The following ZNRF2 variants were observed in gnomAD, a reference collection of about 807,000 sequenced individuals.
The protein encoded by ZNRF2 is E3 ubiquitin-protein ligase ZNRF2.
In ZNRF2, 16 loss-of-function variants were observed where a neutral mutation model predicts 20.4. That is an observed-to-expected ratio of 0.79 (90% CI 0.53 to 1.19). The LOEUF (loss-of-function observed/expected upper bound fraction) is 1.19. ZNRF2 is among the 50% of genes most tolerant of loss of function. ZNRF2 has a pLI of 0.00. For missense variants in ZNRF2, 363 were observed against 332.4 expected, an observed-to-expected ratio of 1.09 and a Z score of -0.72; for synonymous variants, 178 against 144.9, an observed-to-expected ratio of 1.23 and a Z score of -1.64.
intron 1 of ZNRF2, among the ~76,000 whole-genome samples, chr7:30,291,685 G>T (rs900922433): frequency 2.0e-5 from 3 of 152,132 alleles, no homozygotes; most frequent in Non-Finnish European, 4.4e-5. Context: ...GTGGCTACAG[G>T]ATTTTCATCT....
chr7:30,333,727 G>A (rs191733925), intron 2 of ZNRF2, among the ~76,000 whole-genome samples: 1 of 152,194 alleles, frequency 6.6e-6, no homozygotes, highest in East Asian at 1.9e-4. Context: ...TCTCATTGTG[G>A]TTTTGATTTG....
chr7:30,299,280 G>A (rs116610215), intron 1 of ZNRF2, among the ~76,000 whole-genome samples: 4,756 of 152,086 alleles, frequency 0.031, 175 homozygotes, highest in African/African-American at 0.089. Context: ...TTAGCCGAGC[G>A]TAGTGACGCA....
intron 2 of ZNRF2, among the ~76,000 whole-genome samples, chr7:30,331,077 A>G (rs117296811): frequency 1.4e-4 from 21 of 152,330 alleles, no homozygotes; most frequent in Middle Eastern, 3.4e-3. Context: ...GGAAATGTCA[A>G]ATCTCTTCTA....
At chr7:30,355,047 GTTTT>G (rs999482959) in intron 2 of ZNRF2, among the ~76,000 whole-genome samples, 8 of 152,062 alleles carry the variant, frequency 5.3e-5, no homozygotes, top group African/African-American at 1.9e-4. Flanking sequence ...ACACCATAGA[GTTTT>G]TTGTTTGTTT....
chr7:30,296,238 T>C (rs535172894), intron 1 of ZNRF2, among the ~76,000 whole-genome samples: 2 of 152,342 alleles, frequency 1.3e-5, no homozygotes, highest in South Asian at 4.1e-4. Context: ...TTGAACCAAA[T>C]AGGTATAATA....
intron 1 of ZNRF2, among the ~76,000 whole-genome samples, chr7:30,307,317 T>C (rs1318084754): frequency 7.7e-6 from 1 of 129,984 alleles, no homozygotes; most frequent in Non-Finnish European, 1.5e-5. Flanking sequence ...CTTTCTGCTG[T>C]TTTTTTTTGT....
At chr7:30,361,867 A>G (rs1482843918) in intron 3 of ZNRF2, among the ~76,000 whole-genome samples, 2 of 152,206 alleles carry the variant, frequency 1.3e-5, no homozygotes, top group Non-Finnish European at 2.9e-5. Context: ...CCTAAATACA[A>G]ATGATTAATG....
At chr7:30,285,917 T>G in intron 1 of ZNRF2, 91 bp downstream of exon 1, 1 of 1,331,684 alleles carries the variant, frequency 7.5e-7, no homozygotes, top group Non-Finnish European at 9.6e-7. Context: ...TCTCCTTTTC[T>G]CCTTCTGCCG....
At chr7:30,310,630 A>T (rs1799277714) in intron 1 of ZNRF2, among the ~76,000 whole-genome samples, 1 of 152,226 alleles carries the variant, frequency 6.6e-6, no homozygotes, top group Admixed American at 6.5e-5. Flanking sequence ...AGCCATTAAA[A>T]AATGTAAAAA....
intron 2 of ZNRF2, among the ~76,000 whole-genome samples, chr7:30,325,291 A>G (rs1251566256): frequency 6.6e-6 from 1 of 152,212 alleles, no homozygotes; most frequent in Non-Finnish European, 1.5e-5. Flanking sequence ...AAATGTGTAG[A>G]AAGGGTACCA....
intron 1 of ZNRF2, among the ~76,000 whole-genome samples, chr7:30,295,014 G>GGGGA (rs1554293418): frequency 4.0e-5 from 1 of 25,208 alleles, no homozygotes; most frequent in African/African-American, 1.1e-4. Flanking sequence ...AGGGAGGGAA[G>GGGGA]GAGAGAGAGA....
chr7:30,351,032 G>C (rs62447408), intron 2 of ZNRF2, among the ~76,000 whole-genome samples: 1 of 144,550 alleles, frequency 6.9e-6, no homozygotes, highest in Admixed American at 6.8e-5. Flanking sequence ...AATTTTGGCT[G>C]TTTGCTTTTT....
intron 1 of ZNRF2, among the ~76,000 whole-genome samples, chr7:30,295,051 GT>G: frequency 4.5e-5 from 2 of 44,172 alleles, no homozygotes; most frequent in African/African-American, 1.5e-4. Context: ...GAGAGAGAGA[GT>G]GTGTGTGTGT....
Position 30,286,644 on chromosome 7 carries a change from C to T in ZNRF2, c.469+818C>T, listed in dbSNP as rs758129463. Among the ~76,000 whole-genome samples, 21 of 152,276 alleles carry T rather than the reference C, an allele frequency of 1.4e-4. No homozygotes were observed. In the Middle Eastern group the frequency reaches 0.017, roughly 123 times the overall value. On this transcript the variant is annotated intron_variant, in intron 1 of 4. Coordinates refer to ENST00000323037, the MANE Select transcript of ZNRF2 (RefSeq NM_147128.4). ...AGAAACAGGAGGAAGTGTGCGTTGT[C>T]CTGGGGAAAATGAATCCTACTTCTT...
At chr7:30,299,438 A>C (rs1799072768) in intron 1 of ZNRF2, among the ~76,000 whole-genome samples, 1 of 151,422 alleles carries the variant, frequency 6.6e-6, no homozygotes, top group South Asian at 2.1e-4. Context: ...AAAAAAAATC[A>C]GATGATGCAA....
At chr7:30,325,513 G>C (rs2128063878) in intron 2 of ZNRF2, among the ~76,000 whole-genome samples, 1 of 152,296 alleles carries the variant, frequency 6.6e-6, no homozygotes, top group South Asian at 2.1e-4. Context: ...AGTAGATATA[G>C]CAGCACTTAT....
At chr7:30,338,841 G>C (rs1799755227) in intron 2 of ZNRF2, among the ~76,000 whole-genome samples, 1 of 152,132 alleles carries the variant, frequency 6.6e-6, no homozygotes, top group Non-Finnish European at 1.5e-5. Flanking sequence ...GATCCTTGAG[G>C]AATCGCCACA....
At chr7:30,302,732 G>A (rs577570275) in intron 1 of ZNRF2, among the ~76,000 whole-genome samples, 2 of 151,992 alleles carry the variant, frequency 1.3e-5, no homozygotes, top group East Asian at 1.9e-4. Context: ...AACTGGTGGC[G>A]GTATCATCAT....
chr7:30,345,269 A>T (rs1244166552), intron 2 of ZNRF2, among the ~76,000 whole-genome samples: 1 of 151,772 alleles, frequency 6.6e-6, no homozygotes, highest in African/African-American at 2.4e-5. Context: ...CTACCCCTTG[A>T]TGTTCCTGTG....
Sources: allele counts gnomAD v4.1 joint callset (sites outside exome capture counted in the v4.1 genomes callset), GRCh38; gene constraint gnomAD v4.1.1; transcripts MANE v1.5; gene names NCBI Gene and HGNC (gene_info 2026-07-23, HGNC 2026-07-21).